Variants in TDRD3 observed in about 807,000 individuals in gnomAD.
The protein encoded by TDRD3 is tudor domain containing 3, also known as tudor domain-containing protein 3.
TDRD3 carries 45 observed loss-of-function variants against 86.7 expected under a neutral mutation model. The ratio of observed to expected loss-of-function variants is 0.52; its 90% CI spans 0.41 to 0.67. The LOEUF (loss-of-function observed/expected upper bound fraction) is 0.67, where lower values mean the gene tolerates loss of function less well. Ranked by LOEUF, TDRD3 falls within the 30% of genes least tolerant of loss-of-function variation. TDRD3 has a pLI of 0.00. For synonymous variants in TDRD3, 298 were observed against 301.7 expected (o/e 0.99, Z 0.13); for missense variants, 814 against 889.0 (o/e 0.92, Z 1.07).
rs1235321365 is a variant in TDRD3, at chr13:60,446,514, A to T, written c.192+1766A>T. Reference sequence around the variant, plus strand: ...AGTATTGGGATTACAGGTGTGAGCCACTGTGCCTGGCCTTCTCACAGAATT... The same window carrying T: ...AGTATTGGGATTACAGGTGTGAGCCTCTGTGCCTGGCCTTCTCACAGAATT... On this transcript the variant is annotated intron_variant, in intron 3 of 13. Transcript: ENST00000377881. Among the ~76,000 whole-genome samples the T allele has an allele frequency of 2.0e-5, 3 of 152,146 alleles. No homozygotes were observed. In the East Asian group the frequency reaches 5.8e-4, roughly 29 times the overall value.
At chr13:60,436,679 G>A (rs963439885) in intron 1 of TDRD3, among the ~76,000 whole-genome samples, 1 of 152,102 alleles carries the variant, frequency 6.6e-6, no homozygotes, top group African/African-American at 2.4e-5. Context: ...TAGCCTTGTA[G>A]TATAATTTTA....
At chr13:60,532,705 GTTC>G (rs1409570755) in intron 11 of TDRD3, among the ~76,000 whole-genome samples, 2 of 152,098 alleles carry the variant, frequency 1.3e-5, no homozygotes, top group Admixed American at 6.5e-5. Flanking sequence ...CTTCTGGAAA[GTTC>G]TTCTTCCTGT....
At chr13:60,426,279 G>C (rs1954805392) in intron 1 of TDRD3, among the ~76,000 whole-genome samples, 1 of 152,124 alleles carries the variant, frequency 6.6e-6, no homozygotes, top group Non-Finnish European at 1.5e-5. Flanking sequence ...CACAGGCAGT[G>C]GGGAGGGCAG....
Position 60,567,522 on chromosome 13 carries a change from TAGG to T in TDRD3, c.2121_2123del (p.Glu709del), listed in dbSNP as rs747539619. 1.2e-5 allele frequency: 19 copies of T among 1,613,822 alleles called. No individual in the cohort carries two copies. The African/African-American group carries it at 2.1e-4, about 18-fold the overall frequency. On this transcript the variant is annotated splice_acceptor_variant and coding_sequence_variant, in exon 13 of 14. Coordinates refer to ENST00000377881, the MANE Select transcript of TDRD3 (RefSeq NM_001146070.2). LOFTEE classifies it high-confidence loss of function. ...ATGTAAAATCACTACTCTTTGCAAA[TAGG>T]AGGAAGAAGGCACCTACGATCAAAC... is the stretch of plus-strand genomic sequence containing the variant.
chr13:60,503,521 TAAAG>T (rs754448812), intron 8 of TDRD3, among the ~76,000 whole-genome samples: 29 of 152,240 alleles, frequency 1.9e-4, no homozygotes, highest in South Asian at 2.1e-4. Context: ...AAATATAACT[TAAAG>T]AAGATTGCAC....
chr13:60,436,219 T>A (rs1286281828), intron 1 of TDRD3, among the ~76,000 whole-genome samples: 2 of 152,030 alleles, frequency 1.3e-5, no homozygotes, highest in East Asian at 3.8e-4. Flanking sequence ...GTCTGTTTAC[T>A]CTGCTGATGA....
intron 12 of TDRD3, among the ~76,000 whole-genome samples, chr13:60,555,285 G>A (rs1250194186): frequency 1.3e-5 from 2 of 152,006 alleles, no homozygotes; most frequent in African/African-American, 2.4e-5. Flanking sequence ...AACTTACTGA[G>A]GTAAAGTAGT....
chr13:60,496,873 G>A (rs191137634), intron 8 of TDRD3, among the ~76,000 whole-genome samples: 126 of 152,290 alleles, frequency 8.3e-4, no homozygotes, highest in African/African-American at 2.9e-3. Context: ...CAAGATGGCA[G>A]CAAGCTGCTT....
At chr13:60,454,512 G>C (rs1955620781) in intron 3 of TDRD3, among the ~76,000 whole-genome samples, 1 of 152,064 alleles carries the variant, frequency 6.6e-6, no homozygotes, top group African/African-American at 2.4e-5. Context: ...ACTTGAATCA[G>C]AAATGCTTTT....
chr13:60,430,675 A>G (rs377661422), intron 1 of TDRD3, among the ~76,000 whole-genome samples: 2 of 152,124 alleles, frequency 1.3e-5, no homozygotes, highest in East Asian at 3.8e-4. Context: ...ACTATGTAAT[A>G]TATCAATTAT....
chr13:60,419,886 A>G (rs893861837), intron 1 of TDRD3, among the ~76,000 whole-genome samples: 3 of 152,194 alleles, frequency 2.0e-5, no homozygotes, highest in African/African-American at 7.2e-5. Context: ...TATTTTAAAA[A>G]TCTAGGTGGT....
At position 60,416,108 on chromosome 13, in the gene TDRD3, G is replaced by A. The variant is rs559192053; in HGVS notation, c.41+18703G>A. ...AAAATTGTGTTTTGGAAGTTGATAA[G>A]GTATTGATTTTAGATTTAACATGGT... On this transcript the variant is annotated intron_variant, in intron 1 of 13. Transcript: ENST00000377881. Among the ~76,000 whole-genome samples the A allele has an allele frequency of 6.6e-5, 10 of 152,240 alleles. No individual in the cohort carries two copies. In the East Asian group the frequency reaches 1.9e-3, roughly 29 times the overall value.
chr13:60,444,547 A>C, intron 2 of TDRD3, 136 bp from the exon 3 acceptor site: 2 of 498,934 alleles, frequency 4.0e-6, no homozygotes, highest in South Asian at 7.1e-5. Flanking sequence ...GATTGATAAT[A>C]CATGTAGATC....
At position 60,417,482 on chromosome 13, in the gene TDRD3, C is replaced by T. The variant is rs567464947; in HGVS notation, c.41+20077C>T. Among the ~76,000 whole-genome samples, 160 of 151,518 alleles carry T rather than the reference C, an allele frequency of 1.1e-3. 1 individual carries two copies. Among genetic ancestry groups the T allele is most frequent in the African/African-American group, 3.7e-3 (151 of 41,272 alleles). On this transcript the variant is annotated intron_variant, in intron 1 of 13. Transcript: ENST00000377881. The stretch of plus-strand genomic sequence containing the variant: ...TCAGCCTCCTGAGTAGCTGGGATTA[C>T]AGGCTCCTGCCACCATGCCCAGCTA...
At position 60,460,353 on chromosome 13, in the gene TDRD3, G is replaced by T. The variant is rs752093390; in HGVS notation, c.193-27G>T. ...GAATAGAGTTTCATGACTAGAAAGT[G>T]ATTTTTATTCTTTTCTGTTTTGACA... On this transcript the variant is annotated intron_variant, in intron 3 of 13. Coordinates refer to ENST00000377881, the MANE Select transcript of TDRD3 (RefSeq NM_001146070.2). The T allele has an allele frequency of 6.6e-5, 102 of 1,553,676 alleles. No individual in the cohort carries two copies. The Middle Eastern group carries it at 1.7e-3, about 26-fold the overall frequency.
intron 8 of TDRD3, among the ~76,000 whole-genome samples, chr13:60,504,846 T>C (rs982827965): frequency 6.6e-6 from 1 of 152,180 alleles, no homozygotes; most frequent in Non-Finnish European, 1.5e-5. Context: ...GTCGGGGAAC[T>C]GTCTCCCATA....
At chr13:60,525,820 G>A (rs563668864) in intron 10 of TDRD3, among the ~76,000 whole-genome samples, 3 of 152,244 alleles carry the variant, frequency 2.0e-5, no homozygotes, top group African/African-American at 7.2e-5. Context: ...AATTGTTAGT[G>A]AAAACAATAA....
chr13:60,501,855 A>C (rs1314901203), intron 8 of TDRD3, among the ~76,000 whole-genome samples: 1 of 152,226 alleles, frequency 6.6e-6, no homozygotes, highest in Admixed American at 6.5e-5. Flanking sequence ...AAACCCAATA[A>C]AGTTCTAGCA....
Position 60,423,442 on chromosome 13 carries a change from G to T in TDRD3, c.42-16246G>T, listed in dbSNP as rs559557563. Among the ~76,000 whole-genome samples, 7 of 152,108 alleles carry T rather than the reference G, an allele frequency of 4.6e-5. No individual in the cohort carries two copies. The South Asian group carries it at 8.3e-4, about 18-fold the overall frequency. The stretch of plus-strand genomic sequence containing the variant: ...TATAGCCAATAAGGTTGATCTTCTG[G>T]GTATACTGTATATTGAATGCTATAC... On this transcript the variant is annotated intron_variant, in intron 1 of 13. Transcript: ENST00000377881.
Sources: allele counts gnomAD v4.1 joint callset (sites outside exome capture counted in the v4.1 genomes callset), GRCh38; gene constraint gnomAD v4.1.1; transcripts MANE v1.5; gene names NCBI Gene and HGNC (gene_info 2026-07-23, HGNC 2026-07-21).